CDH19: variants seen among roughly 807,000 people sequenced by gnomAD.
The protein encoded by CDH19 is cadherin 19.
A neutral mutation model predicts 64.2 loss-of-function variants in CDH19; 67 were observed. That is an observed-to-expected ratio of 1.04 (90% confidence interval 0.86 to 1.28). The LOEUF (loss-of-function observed/expected upper bound fraction) is 1.28, where lower values mean the gene tolerates loss of function less well. Among genes scored for constraint, CDH19 ranks in the 50% most tolerant of loss-of-function variants. The pLI is 0.00. For missense variants in CDH19, 1,030 were observed against 929.0 expected, an observed-to-expected ratio of 1.11 and a Z score of -1.41; for synonymous variants, 346 against 319.3, an observed-to-expected ratio of 1.08 and a Z score of -0.89.
chr18:66,588,641 T>TATATATATATATATATAA lies in CDH19; in HGVS notation c.-113+15312_-113+15313insTTATATATATATATATAT, dbSNP rs1485058332. Among the ~76,000 whole-genome samples, 3 of 145,244 alleles carry TATATATATATATATATAA rather than the reference T, an allele frequency of 2.1e-5. 1 individual carries two copies. The highest frequency in any genetic ancestry group is 6.9e-5 in the Admixed American group (1 of 14,498). On this transcript the variant is annotated intron_variant, in intron 1 of 11. Transcript: ENST00000262150. ...ATATCTATATCTATATATATATAGA[T>TATATATATATATATATAA]ACAGCTCAGATTTATTTCAGTGTTT...
At chr18:66,601,263 C>CA (rs1167275001) in intron 1 of CDH19, among the ~76,000 whole-genome samples, 3 of 151,614 alleles carry the variant, frequency 2.0e-5, no homozygotes, top group African/African-American at 7.3e-5. Flanking sequence ...AACTTAAAGT[C>CA]AAAAAAATAG....
At chr18:66,523,813 G>T (rs1422644675) in intron 9 of CDH19, among the ~76,000 whole-genome samples, 1 of 148,540 alleles carries the variant, frequency 6.7e-6, no homozygotes, top group African/African-American at 2.5e-5. Flanking sequence ...CTGGATCTAG[G>T]AAGAGAAGTC....
rs1457465588 is a variant in CDH19 at position 66,501,464 on chromosome 18, A to G, written c.*3348T>C. Reference sequence around the variant, plus strand: ...GGAAAATAGAAGTGTTTGAAGGAAGATTGCTTTAGTAACTGAGGAGGAGAG... The same window carrying G: ...GGAAAATAGAAGTGTTTGAAGGAAGGTTGCTTTAGTAACTGAGGAGGAGAG... On this transcript the variant is annotated 3_prime_UTR_variant, in exon 12 of 12. Coordinates refer to ENST00000262150, the MANE Select transcript of CDH19 (RefSeq NM_021153.4). 1 of 152,184 alleles carries G rather than the reference A, an allele frequency of 6.6e-6. No individual in the cohort carries two copies. The highest frequency in any genetic ancestry group is 1.5e-5 in the Non-Finnish European group (1 of 68,078). 9.4% of individuals were successfully genotyped at this position (152,184 alleles called of 1,614,324 possible). A position where few individuals can be genotyped will look rare whatever the true frequency, so the allele number is the denominator to read the frequency against.
intron 3 of CDH19, among the ~76,000 whole-genome samples, chr18:66,562,405 T>A (rs1457888242): frequency 6.6e-6 from 1 of 151,834 alleles, no homozygotes; most frequent in Non-Finnish European, 1.5e-5. Context: ...GGGTTTGCAA[T>A]CCTATGAAAA....
At chr18:66,582,189 C>A (rs758794157) in intron 1 of CDH19, among the ~76,000 whole-genome samples, 8 of 152,042 alleles carry the variant, frequency 5.3e-5, no homozygotes, top group Admixed American at 1.3e-4. Flanking sequence ...TCTATTATCT[C>A]TTCTTAGTAT....
chr18:66,585,771 A>T (rs1988559507), intron 1 of CDH19, among the ~76,000 whole-genome samples: 1 of 152,112 alleles, frequency 6.6e-6, no homozygotes, highest in South Asian at 2.1e-4. Flanking sequence ...CCTGATGTAT[A>T]TGTTCCACAT....
At chr18:66,534,436 G>A (rs73537795) in intron 8 of CDH19, among the ~76,000 whole-genome samples, 9 of 151,884 alleles carry the variant, frequency 5.9e-5, no homozygotes, top group African/African-American at 2.2e-4. Context: ...AAAGGAAACA[G>A]GATTATTAAA....
chr18:66,513,693 C>A (rs1985601321), intron 9 of CDH19, among the ~76,000 whole-genome samples: 2 of 151,280 alleles, frequency 1.3e-5, no homozygotes, highest in Non-Finnish European at 3.0e-5. Flanking sequence ...TTACTTATAT[C>A]TCTTTATCTG....
chr18:66,566,218 G>C (rs1987904020), intron 3 of CDH19, among the ~76,000 whole-genome samples: 1 of 149,880 alleles, frequency 6.7e-6, no homozygotes, highest in South Asian at 2.1e-4. Context: ...GATTGGTTAT[G>C]AACAAATATG....
chr18:66,555,515 C>T (rs1176871236), intron 3 of CDH19, among the ~76,000 whole-genome samples: 2 of 151,610 alleles, frequency 1.3e-5, no homozygotes, highest in East Asian at 1.9e-4. Context: ...TTTTATAATG[C>T]TATTTAACAT....
At chr18:66,593,048 A>C (rs982686524) in intron 1 of CDH19, among the ~76,000 whole-genome samples, 2 of 151,854 alleles carry the variant, frequency 1.3e-5, no homozygotes, top group African/African-American at 4.8e-5. Context: ...CATTTTCTCC[A>C]CATTCACAAC....
Position 66,526,172 on chromosome 18 carries a change from A to T in CDH19, c.1458+3673T>A, listed in dbSNP as rs539181505. ...ATCACTATCATTCTTGGAGACAGAC[A>T]TAAATTTTAATTCTGGCTTACCTAT... On this transcript the variant is annotated intron_variant, in intron 9 of 11. Coordinates refer to ENST00000262150, the MANE Select transcript of CDH19 (RefSeq NM_021153.4). 2.6e-5 allele frequency among the ~76,000 whole-genome samples: 4 copies of T among 152,298 alleles called. No homozygotes were observed. The East Asian group carries it at 7.7e-4, about 29-fold the overall frequency.
At chr18:66,509,341 T>C in intron 10 of CDH19, 95 bp from the exon 11 acceptor site, 2 of 1,040,192 alleles carry the variant, frequency 1.9e-6, no homozygotes, top group Non-Finnish European at 1.4e-6. Context: ...TATAGAGATA[T>C]GATCAAGTAA....
chr18:66,519,230 A>G (rs557412173), intron 9 of CDH19, among the ~76,000 whole-genome samples: 34 of 152,226 alleles, frequency 2.2e-4, no homozygotes, highest in Non-Finnish European at 4.4e-4. Context: ...TCTTTAGAAG[A>G]CAATGAACTC....
rs139392316 is a variant in CDH19 at position 66,568,554 on chromosome 18, G to C, written c.352C>G (p.Gln118Glu). The change falls in exon 3 of 12, where the codon CAG becomes GAG. Residue 118 changes from glutamine (Q) to glutamate (E), a missense_variant. By Grantham distance (29) the Gln-to-Glu change is conservative. Transcript: ENST00000262150. The part of the protein sequence containing the change: ...EERSLYILRA[Q>E]VIDIATGRAV... ...CTTCCAGTAGCGATGTCTATTACCT[G>C]GGCTCTTAAGATGTAGAGGGATCGC... The C allele has an allele frequency of 1.2e-6, 2 of 1,612,108 alleles. No individual in the cohort carries two copies. Among genetic ancestry groups the C allele is most frequent in the Non-Finnish European group, 1.7e-6 (2 of 1,178,934 alleles).
chr18:66,578,170 A>C (rs1988319899), intron 1 of CDH19, among the ~76,000 whole-genome samples: 1 of 151,910 alleles, frequency 6.6e-6, no homozygotes. Flanking sequence ...GCGAGCCATT[A>C]TGTGGTCTAC....
At chr18:66,524,846 T>A (rs976861415) in intron 9 of CDH19, among the ~76,000 whole-genome samples, 1 of 152,078 alleles carries the variant, frequency 6.6e-6, no homozygotes, top group Admixed American at 6.5e-5. Flanking sequence ...CAATTCCCTT[T>A]CAGGGATCTC....
intron 7 of CDH19, among the ~76,000 whole-genome samples, chr18:66,539,957 A>C (rs1320271059): frequency 6.6e-6 from 1 of 152,032 alleles, no homozygotes; most frequent in East Asian, 1.9e-4. Context: ...TCTCTCAAGA[A>C]CTTCCTCTAA....
intron 8 of CDH19, among the ~76,000 whole-genome samples, chr18:66,534,097 G>GA (rs112935684): frequency 0.017 from 2,470 of 145,372 alleles, 30 homozygotes; most frequent in African/African-American, 0.027. Flanking sequence ...TCCTTAAAAT[G>GA]AAAAAAAAAA....
Sources: allele counts gnomAD v4.1 joint callset (sites outside exome capture counted in the v4.1 genomes callset), GRCh38; gene constraint gnomAD v4.1.1; transcripts MANE v1.5; gene names NCBI Gene and HGNC (gene_info 2026-07-23, HGNC 2026-07-21).